The following CADM4 variants were observed in gnomAD, a reference collection of about 807,000 sequenced individuals.
The protein encoded by CADM4 is TSLC1-like 2.
In CADM4, 13 loss-of-function variants were observed where a neutral mutation model predicts 43.9. That is an observed-to-expected ratio of 0.30 (90% CI 0.19 to 0.47). CADM4 has a LOEUF of 0.47. Among genes scored for constraint, CADM4 ranks in the 20% least tolerant of loss-of-function variants. The pLI, the probability that CADM4 is intolerant of heterozygous loss-of-function variation, is 1.00. For synonymous variants in CADM4, 209 were observed against 220.9 expected (o/e 0.95, Z 0.48); for missense variants, 420 against 527.0 (o/e 0.80, Z 1.99).
intron 8 of CADM4, 75 bp downstream of exon 8, chr19:43,624,039 C>T: frequency 6.4e-7 from 1 of 1,572,068 alleles, no homozygotes; most frequent in Non-Finnish European, 8.7e-7. Flanking sequence ...CCTCTCGTTA[C>T]CCTGGCTCTA....
chr19:43,641,171 GC>G (rs1193231222), upstream of CADM4, among the ~76,000 whole-genome samples: 1 of 152,146 alleles, frequency 6.6e-6, no homozygotes, highest in Non-Finnish European at 1.5e-5. Context: ...GTTTTGCCAT[GC>G]TGGCCAGGCT....
rs760477190 is a variant in CADM4 at position 43,627,702 on chromosome 19, C to T, written c.153G>A (p.Gly51=). 1 of 1,614,096 alleles carries T rather than the reference C, an allele frequency of 6.2e-7. No homozygotes were observed. The highest frequency in any genetic ancestry group is 8.5e-7 in the Non-Finnish European group (1 of 1,179,994). The change falls in exon 2 of 9, where the codon GGG becomes GGA. Residue 51 remains glycine, a synonymous_variant. Coordinates refer to ENST00000222374, the MANE Select transcript of CADM4 (RefSeq NM_145296.2). The surrounding 1 kb of genome is among the most constrained non-coding windows in gnomAD (Gnocchi z 4.0). ...CTGGGTTCTGGATGACAACTATGGA[C>T]CCATCATACTGGTGCAGACGGCAGG... ...EITCRLHQYD[G]SIVVIQNPAR... is the part of the protein sequence containing the mutation.
chr19:43,630,087 T>TA (rs1973594738), intron 1 of CADM4, among the ~76,000 whole-genome samples: 1 of 151,842 alleles, frequency 6.6e-6, no homozygotes, highest in African/African-American at 2.4e-5. Context: ...TGTATTTTTT[T>TA]AGAGACGGAG....
chr19:43,639,875 C>T (rs988040765), upstream of CADM4: 9 of 968,128 alleles, frequency 9.3e-6, no homozygotes, highest in African/African-American at 8.9e-5. Context: ...CCGCGCCCCG[C>T]CCCCTGCCCG....
At chr19:43,628,269 C>CA (rs1196984834) in intron 1 of CADM4, among the ~76,000 whole-genome samples, 33,091 of 127,444 alleles carry the variant, frequency 0.26, 3,992 homozygotes, top group Non-Finnish European at 0.28. Flanking sequence ...ACTAAAAATA[C>CA]AAAAAAAAAA....
intron 1 of CADM4, among the ~76,000 whole-genome samples, chr19:43,636,967 C>G (rs1213190214): frequency 2.0e-5 from 3 of 152,172 alleles, no homozygotes; most frequent in Admixed American, 2.0e-4. Context: ...CAAGACCCCT[C>G]AACTCCTAAT....
At position 43,624,130 on chromosome 19, in the gene CADM4, G is replaced by A. The variant is rs765399949; in HGVS notation, c.1041C>T (p.Cys347=). 8 of 1,614,182 alleles carry A rather than the reference G, an allele frequency of 5.0e-6. No individual in the cohort carries two copies. Among genetic ancestry groups the A allele is most frequent in the Non-Finnish European group, 5.9e-6 (7 of 1,180,034 alleles). ...IICVLVGMVW[C]SVRQKGSYLT... is the part of the protein sequence containing the mutation. ...CCCACTCACCCTTCTGCCGTACCGAGCACCAGACCATGCCCACTAGCACAC... is the reference window on the plus strand; with the variant it reads ...CCCACTCACCCTTCTGCCGTACCGAACACCAGACCATGCCCACTAGCACAC... The change falls in exon 8 of 9, where the codon TGC becomes TGT. Residue 347 remains cysteine (C), a synonymous_variant. Transcript: ENST00000222374.
chr19:43,639,851 G>GCCCGCCCCGCCCCCCGCGC, upstream of CADM4: 3 of 975,190 alleles, frequency 3.1e-6, no homozygotes, highest in Non-Finnish European at 3.6e-6. Flanking sequence ...CGCCCGCGCC[G>GCCCGCCCCGCCCCCCGCGC]CCCGCCCCGC....
intron 1 of CADM4, among the ~76,000 whole-genome samples, chr19:43,639,070 G>C (rs1052288799): frequency 2.6e-5 from 4 of 152,030 alleles, no homozygotes; most frequent in Non-Finnish European, 5.9e-5. Context: ...CAGAGACAAG[G>C]GGATGGGGCA....
chr19:43,637,144 G>A (rs1194182051), intron 1 of CADM4, among the ~76,000 whole-genome samples: 1 of 152,022 alleles, frequency 6.6e-6, no homozygotes, highest in Non-Finnish European at 1.5e-5. Flanking sequence ...CCTTCTTTGG[G>A]CATAAATCTC....
chr19:43,635,819 C>T (rs1221887981), intron 1 of CADM4, among the ~76,000 whole-genome samples: 9 of 138,536 alleles, frequency 6.5e-5, no homozygotes, highest in East Asian at 2.3e-4. Flanking sequence ...GAGTCTAAGA[C>T]CCCAGCCCCT....
intron 1 of CADM4, among the ~76,000 whole-genome samples, chr19:43,631,689 T>C (rs1456037779): frequency 6.6e-6 from 1 of 152,146 alleles, no homozygotes; most frequent in African/African-American, 2.4e-5. Flanking sequence ...AAACCCTTTT[T>C]CTACTGAGTC....
Position 43,636,548 on chromosome 19 carries a change from C to T in CADM4, c.64+3179G>A, listed in dbSNP as rs568509784. Among the ~76,000 whole-genome samples the T allele has an allele frequency of 4.6e-5, 7 of 152,260 alleles. No homozygotes were observed. In the South Asian group the frequency reaches 1.0e-3, roughly 23 times the overall value. Reference sequence around the variant, plus strand: ...ACAGGCGGAAATCAGTGGGTGCTTCCGTTCTGATGCCACAGGCCATTGGAT... The same window carrying T: ...ACAGGCGGAAATCAGTGGGTGCTTCTGTTCTGATGCCACAGGCCATTGGAT... On this transcript the variant is annotated intron_variant, in intron 1 of 8. Coordinates refer to ENST00000222374, the MANE Select transcript of CADM4 (RefSeq NM_145296.2).
intron 1 of CADM4, among the ~76,000 whole-genome samples, chr19:43,635,097 A>G (rs1347636523): frequency 2.7e-5 from 4 of 148,980 alleles, no homozygotes; most frequent in African/African-American, 5.0e-5. Context: ...CCAGGGGTCC[A>G]GAGTACACAG....
In CADM4 at chr19:43,627,137, G is replaced by T; in HGVS notation, c.364+29C>A. The T allele has an allele frequency of 6.5e-7, 1 of 1,536,270 alleles. No homozygotes were observed. Among genetic ancestry groups the T allele is most frequent in the Non-Finnish European group, 8.8e-7 (1 of 1,137,448 alleles). On this transcript the variant is annotated intron_variant, in intron 3 of 8. Transcript: ENST00000222374. This position sits in a 1 kb window ranked among gnomAD's most constrained non-coding sequence, Gnocchi z 4.0. ...AGAAGCAGAGAAGAAAGGAGGAGAG[G>T]ATGCGTCTGACAAGGGGGAGGGCGT...
chr19:43,637,789 C>T (rs1331777644), intron 1 of CADM4, among the ~76,000 whole-genome samples: 2 of 152,182 alleles, frequency 1.3e-5, no homozygotes, highest in East Asian at 3.9e-4. Flanking sequence ...ATGTCAAGAT[C>T]CAGGAACTCC....
In CADM4 at chr19:43,639,822, C is replaced by T; in HGVS notation, c.-32G>A. The T allele has an allele frequency of 1.0e-6, 1 of 992,846 alleles. No homozygotes were observed. Among genetic ancestry groups the T allele is most frequent in the Non-Finnish European group, 1.2e-6 (1 of 839,224 alleles). 61.5% of individuals were successfully genotyped at this position (992,846 alleles called of 1,614,324 possible). On this transcript the variant is annotated 5_prime_UTR_variant, in exon 1 of 9. Coordinates refer to ENST00000222374, the MANE Select transcript of CADM4 (RefSeq NM_145296.2). ...GCCGCCGCCGCCGCCGCCGCTCGCT[C>T]CCGGCCCGGCACCTGCACCGCCCGC...
At chr19:43,640,126 C>G (rs1973757814), upstream of CADM4, among the ~76,000 whole-genome samples, 2 of 149,210 alleles carry the variant, frequency 1.3e-5, no homozygotes, top group South Asian at 4.3e-4. Flanking sequence ...GTGCTGCGTG[C>G]GGGCCCAGGT....
In CADM4 at chr19:43,625,250, C is replaced by G. The variant is rs749403607; in HGVS notation, c.756G>C (p.Arg252Ser). 3.1e-6 allele frequency: 5 copies of G among 1,613,314 alleles called. No homozygotes were observed. The highest frequency in any genetic ancestry group is 1.7e-6 in the Non-Finnish European group (2 of 1,179,566). Residue 252 changes from arginine to serine, a missense_variant and splice_region_variant, in exon 7 of 9, where the codon AGG becomes AGC. Transcript: ENST00000222374. This position sits in a 1 kb window ranked among gnomAD's most constrained non-coding sequence, Gnocchi z 4.5. ...VLTCAVTGNP[R>S]PNQIRWNRGN... ...CGCGGTTCCAGCGGATCTGGTTTGG[C>G]CTGGGTGGGGATAAAGTATAGTGAG...
Sources: gnomAD v4.1 joint callset for allele counts (sites outside exome capture counted in the v4.1 genomes callset) on GRCh38, gnomAD v4.1.1 for gene constraint, Gnocchi (gnomAD v3.1) non-coding constraint, MANE v1.5 for transcripts, NCBI Gene and HGNC (gene_info 2026-07-23, HGNC 2026-07-21) for gene names.